The following MBD5 variants were observed in gnomAD, a reference collection of about 807,000 sequenced individuals.
The protein encoded by MBD5 is methyl-CpG binding domain protein 5.
In MBD5, 13 loss-of-function variants were observed where a neutral mutation model predicts 117.3. That is an observed-to-expected ratio of 0.11 (90% CI 0.07 to 0.18). MBD5 has a LOEUF of 0.18. MBD5 is among the 10% of genes least tolerant of loss of function. MBD5 has a pLI of 1.00. For missense variants in MBD5, 1,879 were observed against 2,093.8 expected (o/e 0.90, Z 2.00); for synonymous variants, 727 against 766.4 (o/e 0.95, Z 0.85).
intron 11 of MBD5, among the ~76,000 whole-genome samples, chr2:148,493,594 A>G (rs1681596507): frequency 1.3e-5 from 2 of 152,336 alleles, no homozygotes; most frequent in South Asian, 4.1e-4. Context: ...GTGTGATCAG[A>G]GCACTGATAA....
chr2:148,362,979 T>G (rs906763932), intron 4 of MBD5, among the ~76,000 whole-genome samples: 3 of 152,150 alleles, frequency 2.0e-5, no homozygotes, highest in African/African-American at 7.2e-5. Flanking sequence ...AGACCCCATC[T>G]GAAGGTCACC....
intron 3 of MBD5, among the ~76,000 whole-genome samples, chr2:148,284,456 C>A (rs1466226651): frequency 2.6e-5 from 4 of 152,144 alleles, no homozygotes. Context: ...GGGAAGAAAC[C>A]TGGTGGCCGT....
At chr2:148,185,677 G>A (rs538343161) in intron 2 of MBD5, among the ~76,000 whole-genome samples, 1 of 152,228 alleles carries the variant, frequency 6.6e-6, no homozygotes, top group African/African-American at 2.4e-5. Context: ...TGAGGTGAGA[G>A]GATCACTTGA....
intron 6 of MBD5, among the ~76,000 whole-genome samples, chr2:148,463,021 T>G (rs1476058761): frequency 6.6e-6 from 1 of 152,166 alleles, no homozygotes; most frequent in African/African-American, 2.4e-5. Context: ...ATCTGCAATG[T>G]TATTGTTAGC....
intron 11 of MBD5, among the ~76,000 whole-genome samples, chr2:148,493,847 T>G (rs1288918266): frequency 6.6e-6 from 1 of 152,128 alleles, no homozygotes; most frequent in Non-Finnish European, 1.5e-5. Context: ...TGCAGAGAAC[T>G]AGAAAAAAAG....
intron 4 of MBD5, among the ~76,000 whole-genome samples, chr2:148,416,511 G>A (rs867328579): frequency 6.6e-6 from 1 of 152,262 alleles, no homozygotes; most frequent in East Asian, 1.9e-4. Context: ...TGGGGGTGGG[G>A]TTGCCAGTAT....
At chr2:148,266,990 G>C (rs931248751) in intron 3 of MBD5, among the ~76,000 whole-genome samples, 1 of 152,026 alleles carries the variant, frequency 6.6e-6, no homozygotes, top group Non-Finnish European at 1.5e-5. Context: ...GGAGGCTGTT[G>C]GGATACAGCA....
At chr2:148,039,439 A>G (rs999514892) in intron 1 of MBD5, among the ~76,000 whole-genome samples, 6 of 152,154 alleles carry the variant, frequency 3.9e-5, no homozygotes, top group African/African-American at 1.2e-4. Flanking sequence ...TTTAAATAGA[A>G]AGCTCTTCTG....
chr2:148,367,587 G>T (rs1045973440), intron 4 of MBD5, among the ~76,000 whole-genome samples: 2 of 152,106 alleles, frequency 1.3e-5, no homozygotes, highest in East Asian at 3.8e-4. Context: ...ATCTGACAAA[G>T]GGCTAATATC....
intron 1 of MBD5, among the ~76,000 whole-genome samples, chr2:148,164,997 G>C (rs16828326): frequency 0.012 from 1,874 of 152,196 alleles, 44 homozygotes; most frequent in African/African-American, 0.043. Flanking sequence ...TCATGAAGGA[G>C]TTTATTGTTT....
At chr2:148,158,135 A>G (rs1697917823) in intron 1 of MBD5, among the ~76,000 whole-genome samples, 1 of 152,220 alleles carries the variant, frequency 6.6e-6, no homozygotes, top group Non-Finnish European at 1.5e-5. Flanking sequence ...AAATTTAAAA[A>G]TAAAATAAAT....
At chr2:148,228,241 G>T (rs1265838787) in intron 2 of MBD5, among the ~76,000 whole-genome samples, 2 of 152,174 alleles carry the variant, frequency 1.3e-5, no homozygotes, top group Non-Finnish European at 2.9e-5. Flanking sequence ...GATATTGGCT[G>T]TGGGTTTGTC....
chr2:148,461,336 G>GA (rs554339577), intron 5 of MBD5, among the ~76,000 whole-genome samples: 6 of 150,144 alleles, frequency 4.0e-5, no homozygotes, highest in Non-Finnish European at 7.4e-5. Context: ...CATATCACCT[G>GA]AAAAAAAAAT....
chr2:148,460,082 A>G (rs1478353392), intron 5 of MBD5: 1 of 152,202 alleles, frequency 6.6e-6, no homozygotes, highest in African/African-American at 2.4e-5. Flanking sequence ...TAAATATAAT[A>G]TAGCAAGTTA....
At chr2:148,330,299 T>C (rs1214689840) in intron 3 of MBD5, among the ~76,000 whole-genome samples, 2 of 152,214 alleles carry the variant, frequency 1.3e-5, no homozygotes, top group East Asian at 3.9e-4. Context: ...TCTGGACCCA[T>C]CACTGTAGAC....
At chr2:148,231,956 G>T (rs988887365) in intron 2 of MBD5, among the ~76,000 whole-genome samples, 1 of 152,164 alleles carries the variant, frequency 6.6e-6, no homozygotes, top group South Asian at 2.1e-4. Flanking sequence ...GGAGGCGGAG[G>T]TTTTTTAGCT....
At chr2:148,389,241 G>T (rs1288345747) in intron 4 of MBD5, among the ~76,000 whole-genome samples, 2 of 45,536 alleles carry the variant, frequency 4.4e-5, no homozygotes, top group Admixed American at 2.9e-4. Flanking sequence ...ATATAAATAG[G>T]AAAAAAAAAC....
intron 3 of MBD5, among the ~76,000 whole-genome samples, chr2:148,239,486 T>C (rs1277765558): frequency 6.6e-6 from 1 of 152,192 alleles, no homozygotes; most frequent in East Asian, 1.9e-4. Flanking sequence ...AGTTATATTT[T>C]GTAAATGAAC....
chr2:148,360,555 A>AC (rs1460640456), intron 4 of MBD5, among the ~76,000 whole-genome samples: 1 of 152,152 alleles, frequency 6.6e-6, no homozygotes, highest in Non-Finnish European at 1.5e-5. Context: ...GATTTTTTAA[A>AC]ATGTATTTTG....
Sources: gnomAD v4.1 joint callset for allele counts (sites outside exome capture counted in the v4.1 genomes callset) on GRCh38, gnomAD v4.1.1 for gene constraint, MANE v1.5 for transcripts, NCBI Gene and HGNC (gene_info 2026-07-23, HGNC 2026-07-21) for gene names.